The following NUP210 variants were observed in gnomAD, a reference collection of about 807,000 sequenced individuals.
NUP210 encodes the protein nuclear pore membrane glycoprotein 210.
NUP210 carries 151 observed loss-of-function variants against 196.0 expected under a neutral mutation model. That is an observed-to-expected ratio of 0.77 (90% CI 0.67 to 0.88). NUP210 has a LOEUF of 0.88. NUP210 is among the 40% of genes least tolerant of loss of function. The pLI is 0.00. For synonymous variants in NUP210, 1,070 were observed against 1,052.7 expected, an observed-to-expected ratio of 1.02 and a Z score of -0.32; for missense variants, 2,314 against 2,493.7, an observed-to-expected ratio of 0.93 and a Z score of 1.53.
intron 16 of NUP210, among the ~76,000 whole-genome samples, chr3:13,357,154 C>T (rs1459536717): frequency 6.6e-6 from 1 of 152,212 alleles, no homozygotes; most frequent in Non-Finnish European, 1.5e-5. Context: ...ACAGGAGTGG[C>T]GCATGCACAG....
Position 13,319,139 on chromosome 3 carries a change from G to A in NUP210, c.5496C>T (p.Cys1832=), listed in dbSNP as rs1384910737. Residue 1832 remains cysteine (C), a synonymous_variant, in exon 39 of 40, where the codon TGC becomes TGT. Transcript: ENST00000254508. The part of the protein sequence containing the change: ...AVMIIAYHTV[C]TPRDLAVPAA... ...CAGGCACAGCAAGATCCCGGGGCGTGCAGACAGTGTGGTAGGCTGCAAGAG... is the reference window on the plus strand; with the variant it reads ...CAGGCACAGCAAGATCCCGGGGCGTACAGACAGTGTGGTAGGCTGCAAGAG... The A allele has an allele frequency of 1.2e-6, 2 of 1,610,190 alleles. No homozygotes were observed. Among genetic ancestry groups the A allele is most frequent in the South Asian group, 1.1e-5 (1 of 90,116 alleles).
At position 13,372,535 on chromosome 3, in the gene NUP210, G is replaced by T. The variant is rs557165018; in HGVS notation, c.1588-503C>A. Among the ~76,000 whole-genome samples, 21 of 152,346 alleles carry T rather than the reference G, an allele frequency of 1.4e-4. No homozygotes were observed. In the East Asian group the frequency reaches 3.9e-3, roughly 28 times the overall value. On this transcript the variant is annotated intron_variant, in intron 12 of 39. Transcript: ENST00000254508. ...AGGCTGTTGGAAAGCCCCAGAGAGA[G>T]ATGCGACAGCTTGAGCCAGGGCAGG...
In NUP210 at chr3:13,323,552, C is replaced by A; in HGVS notation, c.4645-120G>T. 1 of 1,138,238 alleles carries A rather than the reference C, an allele frequency of 8.8e-7. No homozygotes were observed. Among genetic ancestry groups the A allele is most frequent in the Non-Finnish European group, 1.3e-6 (1 of 797,826 alleles). The allele number at this position is 1,138,238 out of a possible 1,614,324, so 70.5% of individuals were successfully genotyped here. A position where few individuals can be genotyped will look rare whatever the true frequency, so the allele number is the denominator to read the frequency against. On this transcript the variant is annotated intron_variant, in intron 33 of 39. Transcript: ENST00000254508. This position sits in a 1 kb window ranked among gnomAD's most constrained non-coding sequence, Gnocchi z 4.3. ...GTGTCACCCGTTTCACAGGTGGCAA[C>A]ACTGAGGCTCAAAGCCTAAACGCCT...
At chr3:13,321,112 C>A (rs914804921) in intron 36 of NUP210, among the ~76,000 whole-genome samples, 5 of 152,256 alleles carry the variant, frequency 3.3e-5, no homozygotes, top group Non-Finnish European at 4.4e-5. Context: ...CTCTCACCCC[C>A]GAACTCTTCC....
In NUP210 at chr3:13,371,978, G is replaced by A. The variant is rs762599030; in HGVS notation, c.1642C>T (p.Arg548Cys). The change falls in exon 13 of 40, where the codon CGT becomes TGT. Residue 548 changes from arginine to cysteine, a missense_variant. Coordinates refer to ENST00000254508, the MANE Select transcript of NUP210 (RefSeq NM_024923.4). The part of the protein sequence containing the change: ...MEFAPCQVEA[R>C]VGQALELPLR... ...GGCAGCTCCAGGGCCTGGCCCACAC[G>A]TGCCTCCACCTGGCACGGGGCAAAC... 6.8e-5 allele frequency: 109 copies of A among 1,601,356 alleles called. 2 individuals carry two copies. The South Asian group carries it at 1.0e-3, about 15-fold the overall frequency.
In NUP210 at chr3:13,317,712, C is replaced by G. The variant is rs1175083952; in HGVS notation, c.5633G>C (p.Gly1878Ala). 6.2e-7 allele frequency: 1 copy of G among 1,611,302 alleles called. No homozygotes were observed. The highest frequency in any genetic ancestry group is 8.5e-7 in the Non-Finnish European group (1 of 1,179,024). ...PPARKASPPS[G>A]LWSPAYASH is the part of the protein sequence containing the mutation. Reference sequence around the variant, plus strand: ...GGAGGCATAGGCTGGGCTCCACAGCCCTGAGGGAGGGCTGGCTTTGCGAGC... The same window carrying G: ...GGAGGCATAGGCTGGGCTCCACAGCGCTGAGGGAGGGCTGGCTTTGCGAGC... The change falls in exon 40 of 40, where the codon GGG (glycine) becomes GCG (alanine). Residue 1878 changes from glycine (G) to alanine (A), a missense_variant. Transcript: ENST00000254508.
chr3:13,341,754 C>G lies in NUP210; in HGVS notation c.3222G>C (p.Gln1074His). 6.2e-7 allele frequency: 1 copy of G among 1,614,206 alleles called. No individual in the cohort carries two copies. The highest frequency in any genetic ancestry group is 8.5e-7 in the Non-Finnish European group (1 of 1,180,026). ...AGQRINSAPQ[Q>H]IEVFPPFRLM... ...TGGGAAGAACTCGTCTTACTTCAAT[C>G]TGTTGTGGGGCTGAGTTGATTCTCT... Residue 1074 changes from glutamine (Q) to histidine (H), a missense_variant, in exon 23 of 40, where the codon CAG (glutamine) becomes CAC (histidine). Physicochemically the swap from Gln to His is conservative, Grantham distance 24. Transcript: ENST00000254508.
Position 13,347,002 on chromosome 3 carries a change from A to T in NUP210, c.2836-3699T>A. 1.0e-6 allele frequency: 1 copy of T among 985,106 alleles called. No individual in the cohort carries two copies. The highest frequency in any genetic ancestry group is 6.1e-5 in the Admixed American group (1 of 16,292). The allele number at this position is 985,106 out of a possible 1,614,324, so 61.0% of individuals were successfully genotyped here. On this transcript the variant is annotated intron_variant, in intron 20 of 39. Transcript: ENST00000254508. The surrounding 1 kb of genome is among the most constrained non-coding windows in gnomAD (Gnocchi z 4.7). ...TGGGGACGTGCACCACTGTCCACAG[A>T]TCAGTCTCAGGGAAAAGGTGGATGC...
chr3:13,353,773 G>T, intron 17 of NUP210, 113 bp from the exon 18 acceptor site: 1 of 1,230,460 alleles, frequency 8.1e-7, no homozygotes, highest in Non-Finnish European at 1.2e-6. Context: ...ACAACTGTGT[G>T]TGTTGAAACT....
At chr3:13,395,611 C>T (rs958316758) in intron 3 of NUP210, among the ~76,000 whole-genome samples, 2 of 152,246 alleles carry the variant, frequency 1.3e-5, no homozygotes, top group African/African-American at 4.8e-5. Flanking sequence ...AGCCACTGCG[C>T]CCAGCCTGTA....
At chr3:13,384,287 T>G (rs932911921) in intron 6 of NUP210, among the ~76,000 whole-genome samples, 2 of 152,230 alleles carry the variant, frequency 1.3e-5, no homozygotes, top group Admixed American at 6.5e-5. Context: ...TTAGCTTTTT[T>G]CTGGGTTTCC....
intron 27 of NUP210, 118 bp downstream of exon 27, chr3:13,336,669 T>C: frequency 1.7e-6 from 2 of 1,154,046 alleles, no homozygotes; most frequent in South Asian, 3.0e-5. Flanking sequence ...GGCGGGCCTC[T>C]CTAGGTGTGA....
At chr3:13,417,515 C>T (rs1700386172) in intron 1 of NUP210, among the ~76,000 whole-genome samples, 2 of 152,158 alleles carry the variant, frequency 1.3e-5, no homozygotes, top group African/African-American at 4.8e-5. Context: ...AGGTAATGTT[C>T]CTCCCAGGTT....
At chr3:13,336,664 G>A (rs1193379424) in intron 27 of NUP210, 123 bp downstream of exon 27, 24 of 1,049,756 alleles carry the variant, frequency 2.3e-5, no homozygotes, top group South Asian at 9.4e-5. Flanking sequence ...AAGTGGGCGG[G>A]CCTCTCTAGG....
chr3:13,363,439 C>T (rs1698433950), intron 14 of NUP210, among the ~76,000 whole-genome samples: 1 of 152,250 alleles, frequency 6.6e-6, no homozygotes, highest in Admixed American at 6.5e-5. Context: ...GCTGTGTGTT[C>T]TACAATTAAC....
Position 13,397,367 on chromosome 3 carries a change from C to A in NUP210, c.426G>T (p.Leu142=). 1 of 1,610,182 alleles carries A rather than the reference C, an allele frequency of 6.2e-7. No individual in the cohort carries two copies. The change falls in exon 3 of 40, where the codon CTG becomes CTT. Residue 142 remains leucine, a synonymous_variant. Transcript: ENST00000254508. The stretch of plus-strand genomic sequence containing the variant: ...AGGGGACGTTCTCACCTTCGGAGTC[C>A]AGGGCCTGGATCTTCAGCTCCAGGG... ...DSPLELKIQA[L]DSEGNTFSTL...
At chr3:13,362,152 T>C (rs1698392744) in intron 14 of NUP210, among the ~76,000 whole-genome samples, 1 of 152,136 alleles carries the variant, frequency 6.6e-6, no homozygotes, top group South Asian at 2.1e-4. Context: ...GTCTGTGGCA[T>C]GATCTTAACC....
chr3:13,365,919 T>A (rs1273383292), intron 14 of NUP210, 27 bp downstream of exon 14: 1 of 1,612,566 alleles, frequency 6.2e-7, no homozygotes, highest in African/African-American at 1.3e-5. Context: ...GGCAGGGGGG[T>A]GGTAAAGGGC....
intron 31 of NUP210, among the ~76,000 whole-genome samples, 163 bp from the exon 32 acceptor site, chr3:13,327,600 G>C (rs1487365381): frequency 6.6e-6 from 1 of 152,214 alleles, no homozygotes; most frequent in African/African-American, 2.4e-5. Flanking sequence ...CCCCAGATGA[G>C]GGACCACTGC....
Sources: gnomAD v4.1 joint callset for allele counts (sites outside exome capture counted in the v4.1 genomes callset) on GRCh38, gnomAD v4.1.1 for gene constraint, Gnocchi (gnomAD v3.1) non-coding constraint, MANE v1.5 for transcripts, NCBI Gene and HGNC (gene_info 2026-07-23, HGNC 2026-07-21) for gene names.